The following LPAR6 variants were observed in gnomAD, a reference collection of about 807,000 sequenced individuals.
The protein encoded by LPAR6 is G-protein coupled purinergic receptor P2Y5.
LPAR6 carries 17 observed loss-of-function variants against 22.0 expected under a neutral mutation model. The observed-to-expected ratio is 0.77, with a 90% CI of 0.53 to 1.16. The LOEUF (loss-of-function observed/expected upper bound fraction) is 1.16, where lower values mean the gene tolerates loss of function less well. Among genes scored for constraint, LPAR6 ranks in the 50% most tolerant of loss-of-function variants. The probability of loss-of-function intolerance (pLI) is 0.00; values close to 1 mark genes in which losing one functional copy is unlikely to be tolerated. For missense variants in LPAR6, 384 were observed against 406.9 expected (o/e 0.94, Z 0.48); for synonymous variants, 136 against 139.8 (o/e 0.97, Z 0.19).
chr13:48,414,355 A>G (rs1948872511), upstream of LPAR6, among the ~76,000 whole-genome samples: 1 of 152,006 alleles, frequency 6.6e-6, no homozygotes, highest in Non-Finnish European at 1.5e-5. Flanking sequence ...AAAAAAAAAA[A>G]AAAAGTATAC....
rs1337665065 is a variant in LPAR6, at chr13:48,411,886, AT to A, written c.537del (p.Tyr180IlefsTer6). 2 of 1,612,810 alleles carry A rather than the reference AT, an allele frequency of 1.2e-6. No homozygotes were observed. Among genetic ancestry groups the A allele is most frequent in the Admixed American group, 3.3e-5 (2 of 59,888 alleles). On this transcript the variant is annotated frameshift_variant, in exon 1 of 1. Transcript: ENST00000620633. LOFTEE classifies it high-confidence loss of function. ...ATGAAAATTACAATCCTTGAGAGAT[AT>A]GTTTTCCATGTGGCTTCTGGAAAAT... ...FENFPEATWKTYLSRIVIFIE... is the reference protein window; with the variant it reads ...FENFPEATWKXYLSRIVIFIE...
intron 2 of LPAR6, among the ~76,000 whole-genome samples, chr13:48,421,581 A>G (rs566007517): frequency 3.3e-5 from 5 of 152,302 alleles, no homozygotes; most frequent in African/African-American, 7.2e-5. Context: ...TGAACAGGCA[A>G]CCTACAGAAT....
At chr13:48,407,760 G>T (rs1593475641), downstream of LPAR6, among the ~76,000 whole-genome samples, 1 of 152,220 alleles carries the variant, frequency 6.6e-6, no homozygotes, top group Middle Eastern at 3.4e-3. Flanking sequence ...GCCCCAAAAA[G>T]CTTTTTAAAA....
At chr13:48,441,193 A>C (rs1039958052) in intron 1 of LPAR6, among the ~76,000 whole-genome samples, 1 of 152,222 alleles carries the variant, frequency 6.6e-6, no homozygotes, top group Non-Finnish European at 1.5e-5. Flanking sequence ...TTCCTGGTTC[A>C]TAGATGGCAC....
At chr13:48,397,526 G>A (rs865888631) in intron 1 of LPAR6, among the ~76,000 whole-genome samples, 6 of 152,164 alleles carry the variant, frequency 3.9e-5, no homozygotes, top group South Asian at 2.1e-4. Context: ...ATAGCATTAG[G>A]AAAAATACCT....
intron 1 of LPAR6, among the ~76,000 whole-genome samples, chr13:48,395,099 CAAACAGGGTCTGG>C (rs1948637686): frequency 6.6e-6 from 1 of 152,056 alleles, no homozygotes; most frequent in African/African-American, 2.4e-5. Context: ...TGATACCAGG[CAAACAGGGTCTGG>C]AGTGGACCTC....
intron 1 of LPAR6, among the ~76,000 whole-genome samples, chr13:48,391,020 C>T (rs1948606857): frequency 1.3e-5 from 2 of 152,114 alleles, no homozygotes; most frequent in Non-Finnish European, 1.5e-5. Context: ...CTATTTGTCT[C>T]ATCTCCCTTT....
intron 1 of LPAR6, among the ~76,000 whole-genome samples, chr13:48,432,914 A>G (rs1949145085): frequency 6.6e-6 from 1 of 152,190 alleles, no homozygotes; most frequent in Non-Finnish European, 1.5e-5. Context: ...ATGATTTTCC[A>G]GATTTAATTT....
At chr13:48,438,143 C>G (rs536547929) in intron 1 of LPAR6, among the ~76,000 whole-genome samples, 1 of 152,282 alleles carries the variant, frequency 6.6e-6, no homozygotes, top group South Asian at 2.1e-4. Context: ...TTATATTTTG[C>G]TATTTCCTTG....
At chr13:48,420,850 A>T (rs1948994576) in intron 2 of LPAR6, among the ~76,000 whole-genome samples, 1 of 151,782 alleles carries the variant, frequency 6.6e-6, no homozygotes, top group Admixed American at 6.6e-5. Context: ...GGACATCTTC[A>T]AGAACTACAA....
chr13:48,394,264 G>A (rs1948631333), intron 1 of LPAR6, among the ~76,000 whole-genome samples: 2 of 152,202 alleles, frequency 1.3e-5, no homozygotes, highest in Admixed American at 1.3e-4. Context: ...CCACAGACCA[G>A]GAGATTCCCT....
chr13:48,439,546 A>C (rs1949216137), intron 1 of LPAR6: 1 of 152,196 alleles, frequency 6.6e-6, no homozygotes, highest in African/African-American at 2.4e-5. Context: ...TCTGGGATAA[A>C]GTTAAAAATT....
At chr13:48,393,663 G>A (rs938718702) in intron 1 of LPAR6, among the ~76,000 whole-genome samples, 1 of 152,034 alleles carries the variant, frequency 6.6e-6, no homozygotes, top group East Asian at 1.9e-4. Flanking sequence ...TATCATTTCC[G>A]CTTCCTTGTG....
At chr13:48,407,257 G>T (rs754720568), downstream of LPAR6, among the ~76,000 whole-genome samples, 3 of 152,176 alleles carry the variant, frequency 2.0e-5, no homozygotes, top group African/African-American at 4.8e-5. Flanking sequence ...CCCTTCTGGG[G>T]CTCTATCTTT....
intron 1 of LPAR6, among the ~76,000 whole-genome samples, chr13:48,398,552 T>G (rs1163792642): frequency 1.3e-5 from 2 of 152,024 alleles, no homozygotes; most frequent in Non-Finnish European, 2.9e-5. Context: ...TTTATTATAT[T>G]ATTATTTTAA....
chr13:48,394,381 C>G (rs537652050), intron 1 of LPAR6, among the ~76,000 whole-genome samples: 21 of 152,246 alleles, frequency 1.4e-4, no homozygotes, highest in African/African-American at 4.8e-4. Context: ...TCCAGTGGTG[C>G]CTGGAATGAC....
chr13:48,402,639 A>G (rs143724492), intron 1 of LPAR6, among the ~76,000 whole-genome samples: 78 of 152,142 alleles, frequency 5.1e-4, no homozygotes, highest in African/African-American at 1.9e-3. Flanking sequence ...GGCTTCCCAA[A>G]GTGCTGGGAT....
upstream of LPAR6, among the ~76,000 whole-genome samples, chr13:48,414,323 GGCGACA>G (rs1948871310): frequency 6.6e-6 from 1 of 150,948 alleles, no homozygotes; most frequent in Non-Finnish European, 1.5e-5. Flanking sequence ...CTCCAGCCTG[GGCGACA>G]GCGAGACTAT....
rs1331464408 is a variant in LPAR6 at position 48,404,920 on chromosome 13, G to A, written n.114+10780C>T. Among the ~76,000 whole-genome samples the A allele has an allele frequency of 2.0e-5, 3 of 152,124 alleles. No individual in the cohort carries two copies. In the East Asian group the frequency reaches 5.8e-4, roughly 29 times the overall value. ...GGGGAATGAGATCCAGATCAGCACA[G>A]AAGTTCTCATTAGGAATACTGGATA... is the stretch of plus-strand genomic sequence containing the variant. On this transcript the variant is annotated intron_variant and non_coding_transcript_variant, in intron 1 of 1. Transcript: ENST00000462781.
Sources: allele counts gnomAD v4.1 joint callset (sites outside exome capture counted in the v4.1 genomes callset), GRCh38; gene constraint gnomAD v4.1.1; transcripts MANE v1.5; gene names NCBI Gene and HGNC (gene_info 2026-07-23, HGNC 2026-07-21).